TH: variants seen among roughly 807,000 people sequenced by gnomAD.
TH encodes the protein tyrosine 3-monooxygenase.
In TH, 49 loss-of-function variants were observed where a neutral mutation model predicts 57.4. The ratio of observed to expected loss-of-function variants is 0.85; its 90% CI spans 0.68 to 1.08. The LOEUF (loss-of-function observed/expected upper bound fraction) is 1.08, where lower values mean the gene tolerates loss of function less well. Ranked by LOEUF, TH falls within the 50% of genes least tolerant of loss-of-function variation. The pLI, the probability that TH is intolerant of heterozygous loss-of-function variation, is 0.00. For synonymous variants in TH, 330 were observed against 304.5 expected, an observed-to-expected ratio of 1.08 and a Z score of -0.87; for missense variants, 720 against 696.7, an observed-to-expected ratio of 1.03 and a Z score of -0.38.
rs1240885919 is a variant in TH at position 2,168,527 on chromosome 11, C to A, written c.451G>T (p.Val151Leu). 6 of 1,612,256 alleles carry A rather than the reference C, an allele frequency of 3.7e-6. No individual in the cohort carries two copies. In the Admixed American group the frequency reaches 5.0e-5, roughly 13 times the overall value. ...LAALLSGVRQ[V>L]SEDVRSPAGP... ...GCGGGGCTGCGCACGTCCTCTGACA[C>A]CTGGCGCACACCACTGAGCAGGGCG... Residue 151 changes from valine (V) to leucine (L), a missense_variant, in exon 3 of 13, where the codon GTG (valine) becomes TTG (leucine). Transcript: ENST00000352909.
chr11:2,169,908 G>A (rs1846207490), intron 1 of TH, 37 bp from the exon 2 acceptor site: 2 of 1,582,348 alleles, frequency 1.3e-6, no homozygotes, highest in South Asian at 2.3e-5. Context: ...TCCTCCACCT[G>A]CTGAGACCCG....
In TH at chr11:2,169,641, C is replaced by T; in HGVS notation, c.312+9G>A. On this transcript the variant is annotated intron_variant, in intron 2 of 12. Transcript: ENST00000352909. ...ACTTGCCCCAGGGACACGAAGGCCA[C>T]CAGCTCACCTCAAACACCTTCACAG... 2.5e-6 allele frequency: 4 copies of T among 1,613,512 alleles called. No homozygotes were observed. Among genetic ancestry groups the T allele is most frequent in the Admixed American group, 1.7e-5 (1 of 60,024 alleles).
In TH at chr11:2,170,607, A is replaced by T; in HGVS notation, c.91-736T>A. 1 of 1,225,964 alleles carries T rather than the reference A, an allele frequency of 8.2e-7. No homozygotes were observed. The highest frequency in any genetic ancestry group is 1.2e-6 in the Non-Finnish European group (1 of 850,032). 75.9% of individuals were successfully genotyped at this position (1,225,964 alleles called of 1,614,324 possible). On this transcript the variant is annotated intron_variant, in intron 1 of 12. Coordinates refer to ENST00000352909, the MANE Select transcript of TH (RefSeq NM_000360.4). The surrounding 1 kb of genome is among the most constrained non-coding windows in gnomAD (Gnocchi z 6.0). The stretch of plus-strand genomic sequence containing the variant: ...GGCTCTGGGCCCCTTGTAAGAGAAG[A>T]ATCAGCTTCATCCTGAGCTTCCAGG...
Position 2,171,687 on chromosome 11 carries a change from G to GC in TH, c.90+9dup, listed in dbSNP as rs780485650. ...CACTGCGGCCGCCGGGCACCTACCTGCCCTCTTACCATGATGGCCTCTGCC... is the reference window on the plus strand; with the variant it reads ...CACTGCGGCCGCCGGGCACCTACCTGCCCCTCTTACCATGATGGCCTCTGCC... On this transcript the variant is annotated intron_variant, in intron 1 of 12. Coordinates refer to ENST00000352909, the MANE Select transcript of TH (RefSeq NM_000360.4). The surrounding 1 kb of genome is among the most constrained non-coding windows in gnomAD (Gnocchi z 8.6). 1.3e-5 allele frequency: 21 copies of GC among 1,611,158 alleles called. No individual in the cohort carries two copies. Among genetic ancestry groups the GC allele is most frequent in the Admixed American group, 5.0e-5 (3 of 59,974 alleles).
intron 12 of TH, among the ~76,000 whole-genome samples, chr11:2,165,009 G>A (rs547176623): frequency 1.6e-4 from 25 of 152,272 alleles, no homozygotes; most frequent in Middle Eastern, 6.8e-3. Flanking sequence ...GCCTTGACCC[G>A]GCCACCCAGC....
intron 10 of TH, 25 bp downstream of exon 10, chr11:2,165,975 AGG>A: frequency 6.4e-7 from 1 of 1,556,136 alleles, no homozygotes; most frequent in Non-Finnish European, 8.7e-7. Flanking sequence ...CCCACACCCC[AGG>A]CCCTGCAGGG....
chr11:2,166,668 G>A lies in TH; in HGVS notation c.942C>T (p.Ile314=). ...AGTGCATGGGCGAGGACGCGTGGCG[G>A]ATATACTGGGTGCACTGGAACACGC... ...AFRVFQCTQY[I]RHASSPMHSP... is the part of the protein sequence containing the mutation. The change falls in exon 8 of 13, where the codon ATC becomes ATT. Residue 314 remains isoleucine, a synonymous_variant. Transcript: ENST00000352909. The A allele has an allele frequency of 6.4e-7, 1 of 1,569,242 alleles. No homozygotes were observed. Among genetic ancestry groups the A allele is most frequent in the Non-Finnish European group, 8.6e-7 (1 of 1,157,854 alleles).
intron 12 of TH, 81 bp downstream of exon 12, chr11:2,165,151 C>T: frequency 6.2e-7 from 1 of 1,606,490 alleles, no homozygotes; most frequent in Non-Finnish European, 8.5e-7. Flanking sequence ...ACAGGTCCAG[C>T]CCTGCTCAAG....
At chr11:2,167,562 G>T in intron 5 of TH, 77 bp from the exon 6 acceptor site, 1 of 1,493,902 alleles carries the variant, frequency 6.7e-7, no homozygotes. Flanking sequence ...GCTTCACTGG[G>T]CACAGGTCCA....
Position 2,167,446 on chromosome 11 carries a change from C to G in TH, c.684G>C (p.Glu228Asp). Residue 228 changes from glutamate (E) to aspartate (D), a missense_variant, in exon 6 of 13, where the codon GAG (glutamate) becomes GAC (aspartate). Glu to Asp is a conservative substitution (Grantham distance 45, BLOSUM62 2). Coordinates refer to ENST00000352909, the MANE Select transcript of TH (RefSeq NM_000360.4). ...PIPRVEYTAE[E>D]IATWKEVYTT... is the part of the protein sequence containing the mutation. Reference sequence around the variant, plus strand: ...CACGGAGGTCTCACCAGGTGGCAATCTCCTCGGCGGTGTACTCCACACGGG... The same window carrying G: ...CACGGAGGTCTCACCAGGTGGCAATGTCCTCGGCGGTGTACTCCACACGGG... The G allele has an allele frequency of 6.4e-7, 1 of 1,563,202 alleles. No individual in the cohort carries two copies. The highest frequency in any genetic ancestry group is 8.7e-7 in the Non-Finnish European group (1 of 1,153,714).
intron 12 of TH, among the ~76,000 whole-genome samples, chr11:2,164,726 A>G (rs1288829058): frequency 6.6e-6 from 1 of 152,138 alleles, no homozygotes; most frequent in Non-Finnish European, 1.5e-5. Context: ...CTGGACACAT[A>G]GCCCCTGGCC....
Position 2,164,002 on chromosome 11 carries a change from G to C in TH, c.*231C>G, listed in dbSNP as rs1176848261. 2 of 395,068 alleles carry C rather than the reference G, an allele frequency of 5.1e-6. No homozygotes were observed. Among genetic ancestry groups the C allele is most frequent in the Non-Finnish European group, 8.9e-6 (2 of 224,304 alleles). 24.5% of individuals were successfully genotyped at this position (395,068 alleles called of 1,614,324 possible). On this transcript the variant is annotated 3_prime_UTR_variant, in exon 13 of 13. Transcript: ENST00000352909. ...GTGTCAGGGAAGGGCGGAGGGCAGT[G>C]CAGCAGCCCCCAGGACCCTGGGAGC...
In TH at chr11:2,171,563, C is replaced by T. The variant is rs1846258966; in HGVS notation, c.90+134G>A. ...GCCGCTGTGCCCAGGCCTCCACATCCACGCCGCGTCCCAGGGGTTTGCATG... is the reference window on the plus strand; with the variant it reads ...GCCGCTGTGCCCAGGCCTCCACATCTACGCCGCGTCCCAGGGGTTTGCATG... On this transcript the variant is annotated intron_variant, in intron 1 of 12. Transcript: ENST00000352909. This position sits in a 1 kb window ranked among gnomAD's most constrained non-coding sequence, Gnocchi z 8.6. 3.2e-6 allele frequency: 3 copies of T among 932,236 alleles called. No individual in the cohort carries two copies. Among genetic ancestry groups the T allele is most frequent in the Non-Finnish European group, 5.0e-6 (3 of 603,914 alleles). 57.7% of individuals were successfully genotyped at this position (932,236 alleles called of 1,614,324 possible).
intron 2 of TH, 109 bp from the exon 3 acceptor site, chr11:2,168,774 G>A (rs1316107578): frequency 1.2e-5 from 16 of 1,324,878 alleles, no homozygotes; most frequent in Non-Finnish European, 1.6e-5. Context: ...GCCAGGCCCT[G>A]CCCTTGACTT....
In TH at chr11:2,168,141, A is replaced by G; in HGVS notation, c.526T>C (p.Cys176Arg). ...TCGAACTTGGTGACCAGGTGATGAC[A>G]CTTGTCCAGCTCTGACACTTTTCTT... ...FPRKVSELDK[C>R]HHLVTKFDPD... is the part of the protein sequence containing the mutation. Residue 176 changes from cysteine (C) to arginine (R), a missense_variant, in exon 4 of 13, where the codon TGT becomes CGT. By Grantham distance (180) the Cys-to-Arg change is radical. Coordinates refer to ENST00000352909, the MANE Select transcript of TH (RefSeq NM_000360.4). 3 of 1,613,582 alleles carry G rather than the reference A, an allele frequency of 1.9e-6. No homozygotes were observed. Among genetic ancestry groups the G allele is most frequent in the Non-Finnish European group, 2.5e-6 (3 of 1,180,012 alleles).
chr11:2,164,501 C>G, intron 12 of TH, 109 bp from the exon 13 acceptor site: 1 of 1,317,740 alleles, frequency 7.6e-7, no homozygotes, highest in East Asian at 2.7e-5. Context: ...GCTCAGAGCT[C>G]CCAGGGCTTT....
intron 1 of TH, 93 bp from the exon 2 acceptor site, chr11:2,169,964 G>A: frequency 7.9e-7 from 1 of 1,271,442 alleles, no homozygotes; most frequent in Non-Finnish European, 1.1e-6. Flanking sequence ...AGCGCTGATG[G>A]CACACAGAGG....
Position 2,164,119 on chromosome 11 carries a change from G to C in TH, c.*114C>G. On this transcript the variant is annotated 3_prime_UTR_variant, in exon 13 of 13. Coordinates refer to ENST00000352909, the MANE Select transcript of TH (RefSeq NM_000360.4). ...GCAGGTGCAGGGGCAGTGGGAGCCT[G>C]GCAGCAGGGAGGGCATGGGGGGCAC... 3.1e-6 allele frequency: 3 copies of C among 971,080 alleles called. No homozygotes were observed. The highest frequency in any genetic ancestry group is 2.8e-6 in the Non-Finnish European group (2 of 726,928). The allele number at this position is 971,080 out of a possible 1,614,324, so 60.2% of individuals were successfully genotyped here. A position where few individuals can be genotyped will look rare whatever the true frequency, so the allele number is the denominator to read the frequency against.
intron 2 of TH, 150 bp downstream of exon 2, chr11:2,169,500 A>G: frequency 2.7e-6 from 2 of 743,246 alleles, no homozygotes; most frequent in South Asian, 3.4e-5. Flanking sequence ...ATGGGGGCTG[A>G]GCTGAGGCCT....
Sources: allele counts gnomAD v4.1 joint callset (sites outside exome capture counted in the v4.1 genomes callset), GRCh38; gene constraint gnomAD v4.1.1; non-coding constraint Gnocchi (gnomAD v3.1); transcripts MANE v1.5; gene names NCBI Gene and HGNC (gene_info 2026-07-23, HGNC 2026-07-21).